The following SYNJ1 variants were observed in gnomAD, a reference collection of about 807,000 sequenced individuals.
SYNJ1 encodes the protein polyphosphatidylinositol phosphatase SYNJ1.
SYNJ1 carries 78 observed loss-of-function variants against 168.2 expected under a neutral mutation model. The observed-to-expected ratio is 0.46, with a 90% confidence interval of 0.39 to 0.56. SYNJ1 has a LOEUF of 0.56. Among genes scored for constraint, SYNJ1 ranks in the 20% least tolerant of loss-of-function variants. The probability of loss-of-function intolerance (pLI) is 0.00; values close to 1 mark genes in which losing one functional copy is unlikely to be tolerated. For missense variants in SYNJ1, 1,303 were observed against 1,597.6 expected, an observed-to-expected ratio of 0.82 and a Z score of 3.14; for synonymous variants, 539 against 548.6, an observed-to-expected ratio of 0.98 and a Z score of 0.24.
At chr21:32,721,683 A>G (rs528212842) in intron 2 of SYNJ1, among the ~76,000 whole-genome samples, 2 of 152,004 alleles carry the variant, frequency 1.3e-5, no homozygotes, top group Non-Finnish European at 2.9e-5. Context: ...CATCTTGGAA[A>G]AAAAAAAAAA....
intron 15 of SYNJ1, among the ~76,000 whole-genome samples, chr21:32,669,577 T>C (rs1030546310): frequency 1.3e-5 from 2 of 152,158 alleles, no homozygotes; most frequent in African/African-American, 2.4e-5. Flanking sequence ...TTTTAGATAA[T>C]AGAGCAGAAA....
At chr21:32,705,932 A>T (rs981451440) in intron 2 of SYNJ1, among the ~76,000 whole-genome samples, 1 of 152,134 alleles carries the variant, frequency 6.6e-6, no homozygotes, top group African/African-American at 2.4e-5. Flanking sequence ...GGCTGCAGTG[A>T]GCTGAGATCA....
intron 2 of SYNJ1, among the ~76,000 whole-genome samples, chr21:32,722,969 T>C (rs1283299007): frequency 1.3e-5 from 2 of 152,216 alleles, no homozygotes; most frequent in African/African-American, 2.4e-5. Flanking sequence ...TAATCTATCA[T>C]AGAAAGGCCT....
At chr21:32,726,710 A>G in intron 2 of SYNJ1, 62 bp downstream of exon 2, 1 of 1,593,552 alleles carries the variant, frequency 6.3e-7, no homozygotes, top group East Asian at 2.2e-5. Flanking sequence ...AAATGGTTGC[A>G]TCTGAATTGT....
At position 32,686,335 on chromosome 21, in the gene SYNJ1, T is replaced by C. The variant is rs544497559; in HGVS notation, c.949-418A>G. 1.6e-4 allele frequency among the ~76,000 whole-genome samples: 25 copies of C among 152,288 alleles called. No individual in the cohort carries two copies. The South Asian group carries it at 4.6e-3, about 28-fold the overall frequency. ...TATTTATTTCACCAGATTAAAAAAA[T>C]AGCTATAAAATCAGGATGCTTTTGG... On this transcript the variant is annotated intron_variant, in intron 8 of 32. Coordinates refer to ENST00000674351, the MANE Select transcript of SYNJ1 (RefSeq NM_203446.3).
rs763863900 is a variant in SYNJ1 at position 32,666,577 on chromosome 21, C to T, written c.1812-4G>A. ...CCAGAGCTTCTGATTTGTTGTGCTA[C>T]AAGAAAATATTAAAAAGAGAATTTT... On this transcript the variant is annotated splice_polypyrimidine_tract_variant and splice_region_variant and intron_variant, in intron 15 of 32. Coordinates refer to ENST00000674351, the MANE Select transcript of SYNJ1 (RefSeq NM_203446.3). The T allele has an allele frequency of 6.2e-7, 1 of 1,600,762 alleles. No homozygotes were observed. Among genetic ancestry groups the T allele is most frequent in the Non-Finnish European group, 8.5e-7 (1 of 1,176,280 alleles).
Position 32,650,358 on chromosome 21 carries a change from A to G in SYNJ1, c.2875-12T>C, listed in dbSNP as rs1267950353. 1 of 1,582,626 alleles carries G rather than the reference A, an allele frequency of 6.3e-7. No homozygotes were observed. Among genetic ancestry groups the G allele is most frequent in the Non-Finnish European group, 8.5e-7 (1 of 1,169,718 alleles). ...GTCCGATTCAATAACTAGCGGAGTA[A>G]AAGAGATATAAAATAAAGATTAACA... On this transcript the variant is annotated splice_polypyrimidine_tract_variant and intron_variant, in intron 22 of 32. Coordinates refer to ENST00000674351, the MANE Select transcript of SYNJ1 (RefSeq NM_203446.3).
At chr21:32,652,920 TG>T (rs1371539508) in intron 22 of SYNJ1, among the ~76,000 whole-genome samples, 1 of 152,260 alleles carries the variant, frequency 6.6e-6, no homozygotes, top group Non-Finnish European at 1.5e-5. Flanking sequence ...CTCTCTCCCT[TG>T]TTTTCTGGTA....
At chr21:32,661,088 T>C (rs2040681918) in intron 18 of SYNJ1, among the ~76,000 whole-genome samples, 1 of 152,126 alleles carries the variant, frequency 6.6e-6, no homozygotes, top group Non-Finnish European at 1.5e-5. Flanking sequence ...GGGCAAGTAA[T>C]AAAAGAAGGA....
chr21:32,666,644 A>T (rs2040945549), intron 15 of SYNJ1, 71 bp from the exon 16 acceptor site: 1 of 1,475,134 alleles, frequency 6.8e-7, no homozygotes, highest in Admixed American at 2.1e-5. Flanking sequence ...GACAATTGTC[A>T]ATTATACCTT....
intron 13 of SYNJ1, among the ~76,000 whole-genome samples, chr21:32,675,981 A>C (rs966348123): frequency 3.3e-5 from 5 of 152,222 alleles, no homozygotes; most frequent in African/African-American, 1.2e-4. Context: ...AAGTAGTTAC[A>C]TCTGGATTTT....
chr21:32,706,652 GC>G (rs1217097304), intron 2 of SYNJ1, among the ~76,000 whole-genome samples: 1 of 152,034 alleles, frequency 6.6e-6, no homozygotes, highest in African/African-American at 2.4e-5. Context: ...AGATAAAGAA[GC>G]TTTTATCTCT....
intron 10 of SYNJ1, among the ~76,000 whole-genome samples, 185 bp from the exon 11 acceptor site, chr21:32,681,833 T>G (rs1052639248): frequency 6.6e-6 from 1 of 152,196 alleles, no homozygotes; most frequent in South Asian, 2.1e-4. Flanking sequence ...AAACAAATAC[T>G]GTATCAATGG....
chr21:32,631,358 C>T lies in SYNJ1; in HGVS notation c.*447G>A. On this transcript the variant is annotated 3_prime_UTR_variant, in exon 33 of 33. Coordinates refer to ENST00000674351, the MANE Select transcript of SYNJ1 (RefSeq NM_203446.3). ...TAAAGCCATCAAGTGAAGATGAAGC[C>T]CTGCTTTTGTTATGACCAAGAGGCT... The T allele has an allele frequency of 6.2e-7, 1 of 1,614,106 alleles. No homozygotes were observed. The highest frequency in any genetic ancestry group is 8.5e-7 in the Non-Finnish European group (1 of 1,180,018).
In SYNJ1 at chr21:32,645,939, G is replaced by A. The variant is rs773293881; in HGVS notation, c.3248-150C>T. On this transcript the variant is annotated intron_variant, in intron 24 of 32. Transcript: ENST00000674351. ...ATTTTCAGTATGAATAACAAAAGCA[G>A]TCTACTATTAAACTGCCCTTTGGTA... 4 of 1,210,092 alleles carry A rather than the reference G, an allele frequency of 3.3e-6. No individual in the cohort carries two copies. The East Asian group carries it at 9.3e-5, about 28-fold the overall frequency. The allele number at this position is 1,210,092 out of a possible 1,614,324, so 75.0% of individuals were successfully genotyped here.
Position 32,664,953 on chromosome 21 carries a change from A to G in SYNJ1, c.2264T>C (p.Ile755Thr), listed in dbSNP as rs766613161. 2.0e-5 allele frequency: 33 copies of G among 1,613,360 alleles called. 1 individual carries two copies. Among genetic ancestry groups the G allele is most frequent in the South Asian group, 8.8e-5 (8 of 91,038 alleles). ...CTGATTGATAAGTTGATCTCCTGCT[A>G]TAAGAGAATCCCAATTTTGCTGTCT... is the stretch of plus-strand genomic sequence containing the variant. ...LIRQQNWDSL[I>T]AGDQLINQKN... Residue 755 changes from isoleucine to threonine, a missense_variant, in exon 18 of 33, where the codon ATA becomes ACA. By Grantham distance (89) the Ile-to-Thr change is moderately conservative. Transcript: ENST00000674351.
At chr21:32,716,679 T>G (rs1284144407) in intron 2 of SYNJ1, among the ~76,000 whole-genome samples, 1 of 152,220 alleles carries the variant, frequency 6.6e-6, no homozygotes, top group Admixed American at 6.5e-5. Flanking sequence ...TGTGGATTCA[T>G]AGCTTTCATG....
chr21:32,645,016 C>A lies in SYNJ1; in HGVS notation c.3392-10G>T. 1.3e-6 allele frequency: 2 copies of A among 1,597,054 alleles called. No homozygotes were observed. Among genetic ancestry groups the A allele is most frequent in the South Asian group, 2.3e-5 (2 of 86,330 alleles). On this transcript the variant is annotated splice_polypyrimidine_tract_variant and intron_variant, in intron 25 of 32. Transcript: ENST00000674351. Reference sequence around the variant, plus strand: ...GCAGGACTCCTAGCCCCTTATAGTTCATAAGAAAATAGGCAGCAGAAAGGA... The same window carrying A: ...GCAGGACTCCTAGCCCCTTATAGTTAATAAGAAAATAGGCAGCAGAAAGGA...
At chr21:32,661,506 T>A (rs2040701112) in intron 18 of SYNJ1, among the ~76,000 whole-genome samples, 1 of 152,198 alleles carries the variant, frequency 6.6e-6, no homozygotes. Context: ...GAGATCTTAT[T>A]CCTAGGTTTG....
Sources: allele counts gnomAD v4.1 joint callset (sites outside exome capture counted in the v4.1 genomes callset), GRCh38; gene constraint gnomAD v4.1.1; transcripts MANE v1.5; gene names NCBI Gene and HGNC (gene_info 2026-07-23, HGNC 2026-07-21).